Variants in CSRP1 observed in about 807,000 individuals in gnomAD.
CSRP1 encodes cysteine and glycine rich protein 1, also known as cysteine and glycine-rich protein 1.
CSRP1 carries 16 observed loss-of-function variants against 25.4 expected under a neutral mutation model. That is an observed-to-expected ratio of 0.63 (90% CI 0.43 to 0.96). The LOEUF (loss-of-function observed/expected upper bound fraction) is 0.96. CSRP1 is among the 40% of genes least tolerant of loss of function. The probability of loss-of-function intolerance (pLI) is 0.00; values close to 1 mark genes in which losing one functional copy is unlikely to be tolerated. For synonymous variants in CSRP1, 97 were observed against 95.3 expected, an observed-to-expected ratio of 1.02 and a Z score of -0.10; for missense variants, 212 against 243.6, an observed-to-expected ratio of 0.87 and a Z score of 0.86.
intron 3 of CSRP1, 199 bp downstream of exon 3, chr1:201,489,977 A>T (rs1395716044): frequency 1.9e-6 from 1 of 535,028 alleles, no homozygotes; most frequent in Non-Finnish European, 3.3e-6. Context: ...GGAGGAGCCC[A>T]GCCTGTTTTA....
chr1:201,484,840 A>T, intron 5 of CSRP1, 51 bp from the exon 6 acceptor site: 1 of 1,500,824 alleles, frequency 6.7e-7, no homozygotes, highest in Non-Finnish European at 9.1e-7. Flanking sequence ...ACCCCCAGCC[A>T]CACCACCCAC....
At chr1:201,486,263 G>A in intron 4 of CSRP1, 1 of 812,766 alleles carries the variant, frequency 1.2e-6, no homozygotes, top group Non-Finnish European at 1.5e-6. Context: ...ACAGTGATGG[G>A]ACGTTGCACA....
chr1:201,488,299 G>A (rs963185905), intron 4 of CSRP1: 1 of 152,290 alleles, frequency 6.6e-6, no homozygotes, highest in African/African-American at 2.4e-5. Flanking sequence ...CATGGGGGAA[G>A]GGCATGTGCG....
chr1:201,484,893 G>T (rs1664084259), intron 5 of CSRP1, 104 bp from the exon 6 acceptor site: 12 of 988,234 alleles, frequency 1.2e-5, no homozygotes, highest in Admixed American at 2.1e-5. Context: ...CAGCCAGACT[G>T]CTAGGGAAGG....
intron 4 of CSRP1, chr1:201,485,593 T>C (rs926539103): frequency 1.9e-5 from 11 of 564,642 alleles, no homozygotes; most frequent in African/African-American, 1.9e-4. Flanking sequence ...CCATGCTATG[T>C]TGCAATGGCC....
At chr1:201,500,655 C>T (rs535373405) in intron 1 of CSRP1, among the ~76,000 whole-genome samples, 2 of 152,388 alleles carry the variant, frequency 1.3e-5, no homozygotes, top group South Asian at 4.1e-4. Context: ...GGTCCTGTCC[C>T]CCTCTGCCCA....
In CSRP1 at chr1:201,490,536, T is replaced by C. The variant is rs1571777263; in HGVS notation, c.113-192A>G. The C allele has an allele frequency of 1.1e-5, 6 of 557,706 alleles. No homozygotes were observed. The East Asian group carries it at 1.8e-4, about 16-fold the overall frequency. 34.5% of individuals were successfully genotyped at this position (557,706 alleles called of 1,614,324 possible). A position where few individuals can be genotyped will look rare whatever the true frequency, so the allele number is the denominator to read the frequency against. On this transcript the variant is annotated intron_variant, in intron 2 of 5. Transcript: ENST00000340006. ...GGAGGACAGAGGGATGGGATCTGCA[T>C]ATCCGACTCTAGAAATGCTGGCCAA... is the stretch of plus-strand genomic sequence containing the variant.
At chr1:201,492,516 T>C (rs1183723345) in intron 2 of CSRP1, 4 of 151,844 alleles carry the variant, frequency 2.6e-5, no homozygotes, top group Non-Finnish European at 4.4e-5. Flanking sequence ...ATTTCTACCA[T>C]ATCATGGTAA....
rs147941303 is a variant in CSRP1 at position 201,498,670 on chromosome 1, C to T, written c.-1-2366G>A. ...CAGGTCACGTTCACCACTCTGTCCC[C>T]ATGCTCTGCATAGCACTTGGCACGT... On this transcript the variant is annotated intron_variant, in intron 1 of 5. Transcript: ENST00000340006. Among the ~76,000 whole-genome samples the T allele has an allele frequency of 2.8e-3, 424 of 152,358 alleles. 1 individual carries two copies. The highest frequency in any genetic ancestry group is 9.8e-3 in the African/African-American group (408 of 41,590).
At chr1:201,487,968 C>G (rs902200894) in intron 4 of CSRP1, 3 of 152,240 alleles carry the variant, frequency 2.0e-5, no homozygotes, top group Admixed American at 2.0e-4. Flanking sequence ...GCCTTGAAAG[C>G]CAAAACCTGA....
Position 201,483,837 on chromosome 1 carries a change from C to T in CSRP1, c.*876G>A. 3.6e-6 allele frequency: 2 copies of T among 556,900 alleles called. No homozygotes were observed. The highest frequency in any genetic ancestry group is 6.6e-6 in the Non-Finnish European group (2 of 304,950). The allele number at this position is 556,900 out of a possible 1,614,324, so 34.5% of individuals were successfully genotyped here. On this transcript the variant is annotated 3_prime_UTR_variant, in exon 6 of 6. Transcript: ENST00000340006. Reference sequence around the variant, plus strand: ...TGGATGAAGACTGAGGCAGTGCCTACCTCCCTCCACATCTGAGGATCAAGC... The same window carrying T: ...TGGATGAAGACTGAGGCAGTGCCTATCTCCCTCCACATCTGAGGATCAAGC...
chr1:201,486,473 G>A, intron 4 of CSRP1: 1 of 985,576 alleles, frequency 1.0e-6, no homozygotes, highest in Non-Finnish European at 1.2e-6. Context: ...AGATTTCCTG[G>A]TTGCCTAACC....
intron 1 of CSRP1, among the ~76,000 whole-genome samples, chr1:201,504,500 A>G (rs1664760079): frequency 6.6e-6 from 1 of 152,116 alleles, no homozygotes. Context: ...TCTCACTAGC[A>G]CCTCTTTGGA....
At chr1:201,496,550 C>A in intron 1 of CSRP1, 1 of 541,130 alleles carries the variant, frequency 1.8e-6, no homozygotes. Flanking sequence ...CATTTTCAGC[C>A]CTGTGCTAGG....
intron 2 of CSRP1, chr1:201,490,602 G>A: frequency 2.4e-6 from 1 of 420,196 alleles, no homozygotes; most frequent in South Asian, 3.0e-5. Flanking sequence ...GTCTCCTTTG[G>A]TCCTCTGCAC....
At chr1:201,488,702 G>A (rs1664228065) in intron 4 of CSRP1, 153 bp downstream of exon 4, 2 of 806,056 alleles carry the variant, frequency 2.5e-6, no homozygotes, top group Admixed American at 2.8e-5. Flanking sequence ...GGAAAGCACA[G>A]GTACATGCAA....
intron 1 of CSRP1, among the ~76,000 whole-genome samples, chr1:201,500,080 A>G (rs1392459169): frequency 1.3e-5 from 2 of 152,314 alleles, no homozygotes; most frequent in Admixed American, 6.5e-5. Context: ...CTATTTCTGA[A>G]TCCTCTGGGT....
At chr1:201,489,107 G>A (rs1292680748) in intron 3 of CSRP1, 123 bp from the exon 4 acceptor site, 11 of 1,313,208 alleles carry the variant, frequency 8.4e-6, no homozygotes, top group Non-Finnish European at 1.2e-5. Context: ...CTCTGCCAAA[G>A]TCACAAAGGC....
At chr1:201,503,843 G>C (rs568796) in intron 1 of CSRP1, among the ~76,000 whole-genome samples, 118,012 of 152,026 alleles carry the variant, frequency 0.78, 45,994 homozygotes, top group Middle Eastern at 0.83. Context: ...TTCCAGGCTT[G>C]TTTTCTTTCT....
Sources: gnomAD v4.1 joint callset for allele counts (sites outside exome capture counted in the v4.1 genomes callset) on GRCh38, gnomAD v4.1.1 for gene constraint, MANE v1.5 for transcripts, NCBI Gene and HGNC (gene_info 2026-07-23, HGNC 2026-07-21) for gene names.